Variants in MAGI2 observed in about 807,000 individuals in gnomAD.
The protein encoded by MAGI2 is membrane associated guanylate kinase, WW and PDZ domain containing 2.
MAGI2 carries 35 observed loss-of-function variants against 133.3 expected under a neutral mutation model. The observed-to-expected ratio is 0.26, with a 90% CI of 0.20 to 0.35. The LOEUF (loss-of-function observed/expected upper bound fraction) is 0.35. Among genes scored for constraint, MAGI2 ranks in the 10% least tolerant of loss-of-function variants. The probability of loss-of-function intolerance (pLI) is 1.00; values close to 1 mark genes in which losing one functional copy is unlikely to be tolerated. For synonymous variants in MAGI2, 729 were observed against 710.6 expected (o/e 1.03, Z -0.41); for missense variants, 1,636 against 1,863.4 (o/e 0.88, Z 2.25).
intron 2 of MAGI2, among the ~76,000 whole-genome samples, chr7:78,904,556 C>T (rs1444966169): frequency 1.4e-5 from 2 of 138,750 alleles, no homozygotes; most frequent in Non-Finnish European, 3.0e-5. Context: ...CAGAGCCTTG[C>T]TCTGTCACTC....
At chr7:78,292,975 G>C (rs946634814) in intron 9 of MAGI2, among the ~76,000 whole-genome samples, 8 of 152,022 alleles carry the variant, frequency 5.3e-5, no homozygotes, top group Admixed American at 3.3e-4. Context: ...TAAAACCATA[G>C]AAACCCTAGA....
At chr7:79,130,980 A>C (rs1183231205) in intron 1 of MAGI2, among the ~76,000 whole-genome samples, 1 of 152,102 alleles carries the variant, frequency 6.6e-6, no homozygotes, top group East Asian at 1.9e-4. Flanking sequence ...TTCCAGATAA[A>C]TTTATAGAAG....
At chr7:79,281,075 A>G (rs1437539397) in intron 1 of MAGI2, among the ~76,000 whole-genome samples, 1 of 152,090 alleles carries the variant, frequency 6.6e-6, no homozygotes, top group Non-Finnish European at 1.5e-5. Context: ...CATCCACATA[A>G]ACATGACCAG....
At chr7:78,034,509 C>T (rs1033554031) in intron 21 of MAGI2, among the ~76,000 whole-genome samples, 1 of 152,114 alleles carries the variant, frequency 6.6e-6, no homozygotes, top group Non-Finnish European at 1.5e-5. Flanking sequence ...GAGGAAAAAA[C>T]CAAATATCTC....
At chr7:79,248,131 C>G (rs1832955455) in intron 1 of MAGI2, among the ~76,000 whole-genome samples, 2 of 151,648 alleles carry the variant, frequency 1.3e-5, no homozygotes, top group Non-Finnish European at 1.5e-5. Flanking sequence ...TACACTTGAC[C>G]CATAAAGACA....
At chr7:78,808,187 G>T (rs1788743508) in intron 2 of MAGI2, among the ~76,000 whole-genome samples, 1 of 152,140 alleles carries the variant, frequency 6.6e-6, no homozygotes, top group African/African-American at 2.4e-5. Context: ...TAGGTAGTAA[G>T]CTGGAGCCCT....
chr7:78,802,998 T>G (rs1207306522), intron 2 of MAGI2, among the ~76,000 whole-genome samples: 1 of 151,964 alleles, frequency 6.6e-6, no homozygotes, highest in Non-Finnish European at 1.5e-5. Flanking sequence ...TTTAGCTTTC[T>G]TGTAAATCAA....
chr7:78,928,274 A>G (rs1223314682), intron 2 of MAGI2, among the ~76,000 whole-genome samples: 1 of 151,970 alleles, frequency 6.6e-6, no homozygotes. Context: ...GATGGGGCTC[A>G]TCACCAGCCA....
chr7:78,489,913 AGC>A, intron 5 of MAGI2, 73 bp from the exon 6 acceptor site: 2 of 1,235,384 alleles, frequency 1.6e-6, no homozygotes, highest in East Asian at 2.3e-5. Flanking sequence ...AGAAAAAAAA[AGC>A]AGGGTTAGTC....
chr7:78,265,321 A>G (rs576972194), intron 9 of MAGI2, among the ~76,000 whole-genome samples: 19 of 152,344 alleles, frequency 1.2e-4, no homozygotes, highest in Non-Finnish European at 1.9e-4. Flanking sequence ...ATTAAAAACT[A>G]TAAGTAAAGC....
intron 1 of MAGI2, among the ~76,000 whole-genome samples, chr7:79,376,496 G>A (rs1843387736): frequency 6.6e-6 from 1 of 151,794 alleles, no homozygotes; most frequent in Admixed American, 6.6e-5. Context: ...ATGTCAGAAA[G>A]GATTATCTGC....
At chr7:78,254,839 G>A (rs967358360) in intron 10 of MAGI2, 1 of 152,166 alleles carries the variant, frequency 6.6e-6, no homozygotes, top group Non-Finnish European at 1.5e-5. Context: ...GTTCCTCATT[G>A]TCCTGTTCCT....
intron 1 of MAGI2, among the ~76,000 whole-genome samples, chr7:79,291,194 T>A (rs1836454717): frequency 6.6e-6 from 1 of 152,150 alleles, no homozygotes; most frequent in Non-Finnish European, 1.5e-5. Context: ...TGTCTTTTTT[T>A]CATTTAGCAT....
intron 1 of MAGI2, among the ~76,000 whole-genome samples, chr7:79,025,379 C>A (rs947033265): frequency 1.3e-5 from 2 of 152,064 alleles, no homozygotes; most frequent in East Asian, 1.9e-4. Context: ...GGATGAAGAT[C>A]AAAAAACTAC....
At chr7:78,450,143 A>T (rs1788571363) in intron 6 of MAGI2, among the ~76,000 whole-genome samples, 1 of 151,950 alleles carries the variant, frequency 6.6e-6, no homozygotes, top group Admixed American at 6.6e-5. Flanking sequence ...TTATCTTTAC[A>T]ATATGTTATT....
intron 2 of MAGI2, among the ~76,000 whole-genome samples, chr7:78,984,030 T>C (rs1805022068): frequency 6.6e-6 from 1 of 152,044 alleles, no homozygotes; most frequent in Non-Finnish European, 1.5e-5. Flanking sequence ...TCCTCAAACC[T>C]GTTTCTCTTG....
chr7:78,718,855 A>G (rs1228683419), intron 2 of MAGI2, among the ~76,000 whole-genome samples: 1 of 152,134 alleles, frequency 6.6e-6, no homozygotes, highest in African/African-American at 2.4e-5. Context: ...CCACTGCTCT[A>G]GATGATTCAC....
chr7:78,364,764 G>C (rs1189040750), intron 7 of MAGI2, among the ~76,000 whole-genome samples: 3 of 152,164 alleles, frequency 2.0e-5, no homozygotes, highest in African/African-American at 7.2e-5. Context: ...AAAGAGGAGA[G>C]AGAACCACAT....
intron 1 of MAGI2, among the ~76,000 whole-genome samples, chr7:79,286,842 T>A (rs1836041077): frequency 6.6e-6 from 1 of 152,122 alleles, no homozygotes; most frequent in African/African-American, 2.4e-5. Flanking sequence ...AGGTCACTGA[T>A]TCCTATCTTT....
Sources: allele counts gnomAD v4.1 joint callset (sites outside exome capture counted in the v4.1 genomes callset), GRCh38; gene constraint gnomAD v4.1.1; transcripts MANE v1.5; gene names NCBI Gene and HGNC (gene_info 2026-07-23, HGNC 2026-07-21).